Variants in TNFSF11 observed in about 807,000 individuals in gnomAD.
TNFSF11 encodes TNF superfamily member 11.
A neutral mutation model predicts 32.2 loss-of-function variants in TNFSF11; 12 were observed. That is an observed-to-expected ratio of 0.37 (90% confidence interval 0.24 to 0.60). TNFSF11 has a LOEUF of 0.60. TNFSF11 is among the 20% of genes least tolerant of loss of function. TNFSF11 has a pLI of 0.66. For synonymous variants in TNFSF11, 172 were observed against 152.1 expected, an observed-to-expected ratio of 1.13 and a Z score of -0.96; for missense variants, 345 against 398.0, an observed-to-expected ratio of 0.87 and a Z score of 1.13.
intron 2 of TNFSF11, among the ~76,000 whole-genome samples, chr13:42,591,360 GCCACTGGA>G (rs1868462822): frequency 6.6e-6 from 1 of 152,070 alleles, no homozygotes; most frequent in African/African-American, 2.4e-5. Flanking sequence ...TGCCTGCTGG[GCCACTGGA>G]CCCCTTGCCC....
chr13:42,605,300 A>C lies in TNFSF11; in HGVS notation c.533-1197A>C, dbSNP rs1310859524. ...TCTCTCAACTCCAGTCTGAGACTCA[A>C]CTCTGCTTTGTTTTGCTGATTTCAA... On this transcript the variant is annotated intron_variant, in intron 4 of 4. Transcript: ENST00000398795. Among the ~76,000 whole-genome samples, 5 of 152,064 alleles carry C rather than the reference A, an allele frequency of 3.3e-5. No individual in the cohort carries two copies. In the East Asian group the frequency reaches 7.7e-4, roughly 24 times the overall value.
chr13:42,586,635 T>C (rs901132074), intron 2 of TNFSF11, among the ~76,000 whole-genome samples: 11 of 152,134 alleles, frequency 7.2e-5, no homozygotes, highest in Non-Finnish European at 1.5e-5. Flanking sequence ...CATATATGAG[T>C]TAAATTTTAT....
At chr13:42,591,437 C>G (rs916640497) in intron 2 of TNFSF11, among the ~76,000 whole-genome samples, 1 of 152,066 alleles carries the variant, frequency 6.6e-6, no homozygotes, top group African/African-American at 2.4e-5. Flanking sequence ...CTCACCTCCC[C>G]CAGTGCTCCT....
At chr13:42,604,811 T>A (rs1025641196) in intron 4 of TNFSF11, among the ~76,000 whole-genome samples, 1 of 152,036 alleles carries the variant, frequency 6.6e-6, no homozygotes, top group Non-Finnish European at 1.5e-5. Context: ...TGAGACAGAG[T>A]CTTGCTCTGT....
intron 1 of TNFSF11, among the ~76,000 whole-genome samples, chr13:42,565,082 G>T (rs144901444): frequency 6.6e-6 from 1 of 152,222 alleles, no homozygotes; most frequent in Non-Finnish European, 1.5e-5. Flanking sequence ...ACACCTATCT[G>T]TGTTTATGCT....
At chr13:42,590,938 T>C (rs939996316) in intron 2 of TNFSF11, among the ~76,000 whole-genome samples, 2 of 152,248 alleles carry the variant, frequency 1.3e-5, no homozygotes, top group African/African-American at 4.8e-5. Flanking sequence ...AGCTCTTTGG[T>C]AGGTAGAGGA....
At chr13:42,601,776 C>A (rs1004496451) in intron 4 of TNFSF11, among the ~76,000 whole-genome samples, 1 of 152,180 alleles carries the variant, frequency 6.6e-6, no homozygotes, top group Non-Finnish European at 1.5e-5. Context: ...TGTGACTACC[C>A]GATGAACTCT....
Position 42,601,058 on chromosome 13 carries a change from T to C in TNFSF11, c.532+77T>C, listed in dbSNP as rs1445589589. ...GCCCATTTCAATACTGAAACCTATT[T>C]TTAGTCTGTCACTGAATTTTTGAGA... On this transcript the variant is annotated intron_variant, in intron 4 of 4. Transcript: ENST00000398795. The C allele has an allele frequency of 1.9e-6, 3 of 1,540,166 alleles. No individual in the cohort carries two copies. The Admixed American group carries it at 5.1e-5, about 26-fold the overall frequency.
At chr13:42,601,104 G>T (rs1289389118) in intron 4 of TNFSF11, 123 bp downstream of exon 4, 1 of 1,037,064 alleles carries the variant, frequency 9.6e-7, no homozygotes, top group Admixed American at 1.9e-5. Context: ...CAAAGCCAAA[G>T]GAAAGACCAT....
At chr13:42,604,462 G>A (rs994625935) in intron 4 of TNFSF11, among the ~76,000 whole-genome samples, 13 of 152,324 alleles carry the variant, frequency 8.5e-5, no homozygotes, top group African/African-American at 3.1e-4. Flanking sequence ...CAGATAGGTT[G>A]TGGAGTTCAG....
At chr13:42,604,740 A>G (rs1358394271) in intron 4 of TNFSF11, among the ~76,000 whole-genome samples, 2 of 152,116 alleles carry the variant, frequency 1.3e-5, no homozygotes, top group South Asian at 2.1e-4. Context: ...AAACCAGACT[A>G]GGCTGGGAAG....
intron 4 of TNFSF11, among the ~76,000 whole-genome samples, chr13:42,606,034 C>G (rs1435390062): frequency 6.6e-6 from 1 of 152,174 alleles, no homozygotes; most frequent in Non-Finnish European, 1.5e-5. Context: ...TTCCTTCAAC[C>G]TGGAATGACC....
rs999342763 is a variant in TNFSF11 at position 42,607,061 on chromosome 13, C to T, written c.*143C>T. Reference sequence around the variant, plus strand: ...ACGACTCAGTATCCATGCTCTTGACCTTGTAGAGAACACGCGTATTTACAG... The same window carrying T: ...ACGACTCAGTATCCATGCTCTTGACTTTGTAGAGAACACGCGTATTTACAG... On this transcript the variant is annotated 3_prime_UTR_variant, in exon 5 of 5. Coordinates refer to ENST00000398795, the MANE Select transcript of TNFSF11 (RefSeq NM_003701.4). 5.8e-6 allele frequency: 6 copies of T among 1,036,722 alleles called. No individual in the cohort carries two copies. Among genetic ancestry groups the T allele is most frequent in the Non-Finnish European group, 7.1e-6 (5 of 703,208 alleles). The allele number at this position is 1,036,722 out of a possible 1,614,324, so 64.2% of individuals were successfully genotyped here. A position where few individuals can be genotyped will look rare whatever the true frequency, so the allele number is the denominator to read the frequency against.
intron 2 of TNFSF11, among the ~76,000 whole-genome samples, chr13:42,582,306 G>A (rs974126241): frequency 2.6e-5 from 4 of 152,212 alleles, no homozygotes; most frequent in Middle Eastern, 3.2e-3. Flanking sequence ...AAAGGTGAAC[G>A]TCTGTAATAC....
At chr13:42,563,922 G>A (rs1872775626) in intron 1 of TNFSF11, among the ~76,000 whole-genome samples, 1 of 152,076 alleles carries the variant, frequency 6.6e-6, no homozygotes, top group Admixed American at 6.5e-5. Context: ...TGTTCCTTCT[G>A]TTGCATTTTT....
intron 1 of TNFSF11, among the ~76,000 whole-genome samples, chr13:42,578,821 C>A (rs191394129): frequency 3.5e-4 from 54 of 152,272 alleles, no homozygotes; most frequent in African/African-American, 1.1e-3. Flanking sequence ...TGCATCAAAT[C>A]AGTAACCATT....
At chr13:42,602,964 T>G (rs1869258113) in intron 4 of TNFSF11, among the ~76,000 whole-genome samples, 1 of 152,212 alleles carries the variant, frequency 6.6e-6, no homozygotes, top group African/African-American at 2.4e-5. Context: ...CTGGTTATTT[T>G]CTGACAGTTA....
At chr13:42,589,290 G>A (rs545938760) in intron 2 of TNFSF11, among the ~76,000 whole-genome samples, 2 of 151,864 alleles carry the variant, frequency 1.3e-5, no homozygotes, top group Non-Finnish European at 2.9e-5. Flanking sequence ...GAATTCTACC[G>A]CCTTACAAAA....
At chr13:42,601,024 C>A in intron 4 of TNFSF11, 43 bp downstream of exon 4, 4 of 1,602,830 alleles carry the variant, frequency 2.5e-6, no homozygotes, top group Middle Eastern at 1.7e-4. Context: ...TTTTAAGAGT[C>A]ATTTATCAGC....
Sources: allele counts gnomAD v4.1 joint callset (sites outside exome capture counted in the v4.1 genomes callset), GRCh38; gene constraint gnomAD v4.1.1; transcripts MANE v1.5; gene names NCBI Gene and HGNC (gene_info 2026-07-23, HGNC 2026-07-21).